The following ZNF100 variants were observed in gnomAD, a reference collection of about 807,000 sequenced individuals.
ZNF100 encodes the protein zinc finger protein 100 (Y1).
A neutral mutation model predicts 15.8 loss-of-function variants in ZNF100; 12 were observed. The ratio of observed to expected loss-of-function variants is 0.76; its 90% CI spans 0.49 to 1.23. The LOEUF is 1.23. ZNF100 is among the 50% of genes most tolerant of loss of function. The pLI, the probability that ZNF100 is intolerant of heterozygous loss-of-function variation, is 0.00. For missense variants in ZNF100, 670 were observed against 635.6 expected (o/e 1.05, Z -0.58); for synonymous variants, 226 against 214.8 (o/e 1.05, Z -0.45).
rs180983939 is a variant in ZNF100, at chr19:21,734,524, G to A, written c.323-6535C>T. Among the ~76,000 whole-genome samples the A allele has an allele frequency of 3.0e-3, 458 of 151,944 alleles. 7 individuals are homozygous for A. Among genetic ancestry groups the A allele is most frequent in the Non-Finnish European group, 7.8e-4 (53 of 67,944 alleles). On this transcript the variant is annotated intron_variant, in intron 4 of 4. Transcript: ENST00000358296. The stretch of plus-strand genomic sequence containing the variant: ...AGATTGAAAAAATAAAAATAAAAAG[G>A]AATGAAAAAAATCTTCAAGAACTAT...
At chr19:21,767,312 A>C in intron 1 of ZNF100, 115 bp downstream of exon 1, 1 of 1,567,682 alleles carries the variant, frequency 6.4e-7, no homozygotes, top group Non-Finnish European at 8.7e-7. Context: ...GAGCTGGGCA[A>C]GGCGCAGATT....
intron 2 of ZNF100, 58 bp downstream of exon 2, chr19:21,765,636 T>C: frequency 6.6e-7 from 1 of 1,524,716 alleles, no homozygotes; most frequent in African/African-American, 1.4e-5. Context: ...CAGCAACGTG[T>C]CTCCAAGAAA....
intron 2 of ZNF100, among the ~76,000 whole-genome samples, chr19:21,761,834 C>T (rs915900186): frequency 6.6e-6 from 1 of 152,204 alleles, no homozygotes; most frequent in Non-Finnish European, 1.5e-5. Context: ...CTACATCCTG[C>T]TGATCTTGCT....
chr19:21,742,346 G>A (rs945469819), intron 4 of ZNF100, among the ~76,000 whole-genome samples: 78 of 141,840 alleles, frequency 5.5e-4, no homozygotes, highest in Non-Finnish European at 7.6e-5. Flanking sequence ...TTTATGTTAC[G>A]TGTTTTTACA....
chr19:21,745,583 C>T (rs557532583), intron 2 of ZNF100, among the ~76,000 whole-genome samples: 9 of 151,426 alleles, frequency 5.9e-5, no homozygotes, highest in African/African-American at 1.7e-4. Context: ...ACTGCAGTGG[C>T]GCAATCTCGG....
chr19:21,723,252 T>TG lies in ZNF100; in HGVS notation c.*3430dup, dbSNP rs1164245729. The TG allele has an allele frequency of 6.7e-6, 1 of 148,288 alleles. No homozygotes were observed. Among genetic ancestry groups the TG allele is most frequent in the Non-Finnish European group, 1.5e-5 (1 of 67,500 alleles). 9.2% of individuals were successfully genotyped at this position (148,288 alleles called of 1,614,324 possible). On this transcript the variant is annotated 3_prime_UTR_variant, in exon 5 of 5. Coordinates refer to ENST00000358296, the MANE Select transcript of ZNF100 (RefSeq NM_173531.4). ...GCAGGTGCCTGTAATCCCAGCTACT[T>TG]GGGAGGCTGAGGCAGGATAATTGCT...
At chr19:21,738,633 G>A (rs578062088) in intron 4 of ZNF100, among the ~76,000 whole-genome samples, 1 of 152,242 alleles carries the variant, frequency 6.6e-6, no homozygotes, top group South Asian at 2.1e-4. Context: ...GAAACTGGAT[G>A]TGGTAAGAAA....
intron 2 of ZNF100, among the ~76,000 whole-genome samples, chr19:21,763,718 C>G (rs13382043): frequency 6.6e-6 from 1 of 152,158 alleles, no homozygotes; most frequent in Non-Finnish European, 1.5e-5. Flanking sequence ...TAAGAACATG[C>G]TGACTTCAGG....
At chr19:21,767,385 C>T in intron 1 of ZNF100, 42 bp downstream of exon 1, 1 of 1,610,078 alleles carries the variant, frequency 6.2e-7, no homozygotes, top group Admixed American at 1.7e-5. Context: ...TTCCAACCAG[C>T]CCTTTCGCCG....
At position 21,725,453 on chromosome 19, in the gene ZNF100, A is replaced by G. The variant is rs1038147408; in HGVS notation, c.*1230T>C. 2 of 152,152 alleles carry G rather than the reference A, an allele frequency of 1.3e-5. No individual in the cohort carries two copies. The highest frequency in any genetic ancestry group is 4.8e-5 in the African/African-American group (2 of 41,424). 9.4% of individuals were successfully genotyped at this position (152,152 alleles called of 1,614,324 possible). The stretch of plus-strand genomic sequence containing the variant: ...CCTAACGCACACATTGCTTAATATT[A>G]TAAGTTAACCATAAAAGTCTCTTCA... On this transcript the variant is annotated 3_prime_UTR_variant, in exon 5 of 5. Coordinates refer to ENST00000358296, the MANE Select transcript of ZNF100 (RefSeq NM_173531.4).
In ZNF100 at chr19:21,723,131, CAT is replaced by C. The variant is rs1698815400; in HGVS notation, c.*3550_*3551del. 1 of 151,290 alleles carries C rather than the reference CAT, an allele frequency of 6.6e-6. No homozygotes were observed. The highest frequency in any genetic ancestry group is 2.4e-5 in the African/African-American group (1 of 41,104). The allele number at this position is 151,290 out of a possible 1,614,324, so 9.4% of individuals were successfully genotyped here. ...CTTTGGGAGGCTGAGGCAGGTGGAT[CAT>C]ATGAGGTCAGGAGTTTGAAACCAGC... On this transcript the variant is annotated 3_prime_UTR_variant, in exon 5 of 5. Coordinates refer to ENST00000358296, the MANE Select transcript of ZNF100 (RefSeq NM_173531.4).
At chr19:21,766,584 T>C (rs1381322589) in intron 1 of ZNF100, among the ~76,000 whole-genome samples, 4 of 152,208 alleles carry the variant, frequency 2.6e-5, no homozygotes, top group Non-Finnish European at 5.9e-5. Context: ...AACCAATTAC[T>C]AAATTTAGTT....
In ZNF100 at chr19:21,755,442, G is replaced by A. The variant is rs957741757; in HGVS notation, c.96+10252C>T. 5.3e-5 allele frequency among the ~76,000 whole-genome samples: 8 copies of A among 152,142 alleles called. No individual in the cohort carries two copies. In the East Asian group the frequency reaches 5.8e-4, roughly 11 times the overall value. On this transcript the variant is annotated intron_variant, in intron 2 of 4. Transcript: ENST00000358296. ...ATTAAAAAGTCAAGAAACAGATGCC[G>A]GTGAGGCTGTGGAGAAATAGTAACA...
At chr19:21,759,217 C>G (rs1277172341) in intron 2 of ZNF100, among the ~76,000 whole-genome samples, 1 of 152,062 alleles carries the variant, frequency 6.6e-6, no homozygotes, top group African/African-American at 2.4e-5. Context: ...GAGCTACTCA[C>G]AGAACTCAGC....
chr19:21,749,880 G>C (rs1041421611), intron 2 of ZNF100, among the ~76,000 whole-genome samples: 6 of 152,084 alleles, frequency 3.9e-5, no homozygotes, highest in South Asian at 2.1e-4. Flanking sequence ...AAAGTCTTCT[G>C]GCCCTGTCTT....
At chr19:21,744,666 G>A (rs113716628) in intron 3 of ZNF100, among the ~76,000 whole-genome samples, 2,875 of 152,132 alleles carry the variant, frequency 0.019, 91 homozygotes, top group African/African-American at 0.063. Flanking sequence ...CACCATGCCC[G>A]GCCTAAAAAC....
intron 2 of ZNF100, among the ~76,000 whole-genome samples, chr19:21,747,381 CT>C (rs2036229909): frequency 6.6e-6 from 1 of 151,634 alleles, no homozygotes; most frequent in South Asian, 2.1e-4. Flanking sequence ...GTCATGTGAT[CT>C]TAATGAGAAG....
intron 1 of ZNF100, 79 bp from the exon 2 acceptor site, chr19:21,765,865 T>C: frequency 7.1e-7 from 1 of 1,403,122 alleles, no homozygotes; most frequent in Middle Eastern, 1.8e-4. Flanking sequence ...TCTCGGTTTA[T>C]CCACAGATAG....
Position 21,767,476 on chromosome 19 carries a change from A to G in ZNF100, c.-47T>C. The G allele has an allele frequency of 6.2e-7, 1 of 1,613,818 alleles. No homozygotes were observed. Among genetic ancestry groups the G allele is most frequent in the Non-Finnish European group, 8.5e-7 (1 of 1,179,820 alleles). On this transcript the variant is annotated 5_prime_UTR_variant, in exon 1 of 5. Transcript: ENST00000358296. Reference sequence around the variant, plus strand: ...TGGCGTCTTAGCTGTGGATCTCCCAATATCTGCAGGTCAGAGGGCCACACA... The same window carrying G: ...TGGCGTCTTAGCTGTGGATCTCCCAGTATCTGCAGGTCAGAGGGCCACACA...
Sources: gnomAD v4.1 joint callset for allele counts (sites outside exome capture counted in the v4.1 genomes callset) on GRCh38, gnomAD v4.1.1 for gene constraint, MANE v1.5 for transcripts, NCBI Gene and HGNC (gene_info 2026-07-23, HGNC 2026-07-21) for gene names.